Variants in WDFY3 observed in about 807,000 individuals in gnomAD.
WDFY3 encodes WD repeat and FYVE domain-containing protein 3.
Under a neutral mutation model 409.6 loss-of-function variants are expected in WDFY3, and 66 were observed. The ratio of observed to expected loss-of-function variants is 0.16; its 90% CI spans 0.13 to 0.20. The LOEUF is 0.20. Ranked by LOEUF, WDFY3 falls within the 10% of genes least tolerant of loss-of-function variation. WDFY3 has a pLI of 1.00. For missense variants in WDFY3, 3,031 were observed against 4,298.1 expected, an observed-to-expected ratio of 0.71 and a Z score of 8.24; for synonymous variants, 1,521 against 1,537.1, an observed-to-expected ratio of 0.99 and a Z score of 0.25.
At chr4:84,793,912 A>G (rs373479677) in intron 21 of WDFY3, among the ~76,000 whole-genome samples, 2 of 152,284 alleles carry the variant, frequency 1.3e-5, no homozygotes, top group East Asian at 3.9e-4. Flanking sequence ...AAAAAATCAC[A>G]TTTATACAAA....
At chr4:84,914,659 AT>A (rs1768237869) in intron 2 of WDFY3, among the ~76,000 whole-genome samples, 1 of 152,210 alleles carries the variant, frequency 6.6e-6, no homozygotes, top group Non-Finnish European at 1.5e-5. Flanking sequence ...ACCTATTATG[AT>A]GGCTACTTTC....
intron 3 of WDFY3, among the ~76,000 whole-genome samples, chr4:84,889,020 T>C (rs982855565): frequency 6.6e-6 from 1 of 152,188 alleles, no homozygotes; most frequent in Non-Finnish European, 1.5e-5. Context: ...GCCTTGAAAA[T>C]ACTTAGACTA....
intron 1 of WDFY3, among the ~76,000 whole-genome samples, chr4:84,953,958 CCT>C (rs1337950480): frequency 1.3e-5 from 2 of 152,204 alleles, no homozygotes; most frequent in African/African-American, 4.8e-5. Context: ...CACTTCTGCA[CCT>C]CTCAGACTCA....
chr4:84,902,475 T>C (rs1297359225), intron 2 of WDFY3, among the ~76,000 whole-genome samples: 2 of 152,204 alleles, frequency 1.3e-5, no homozygotes, highest in African/African-American at 4.8e-5. Flanking sequence ...ATTGCTTCCA[T>C]TGTGCATAAT....
chr4:84,709,726 T>G (rs1732569142), intron 51 of WDFY3, among the ~76,000 whole-genome samples: 1 of 152,200 alleles, frequency 6.6e-6, no homozygotes, highest in Non-Finnish European at 1.5e-5. Context: ...TTTCTGTTTG[T>G]TTTGTTTTGT....
At chr4:84,841,345 G>A in intron 5 of WDFY3, 82 bp from the exon 6 acceptor site, 1 of 1,157,352 alleles carries the variant, frequency 8.6e-7, no homozygotes, top group Non-Finnish European at 1.2e-6. Flanking sequence ...CCAAGGAAAT[G>A]AAAATTTACT....
chr4:84,860,869 A>T (rs1760512557), intron 3 of WDFY3, among the ~76,000 whole-genome samples: 1 of 152,230 alleles, frequency 6.6e-6, no homozygotes, highest in Non-Finnish European at 1.5e-5. Flanking sequence ...GTAAAACATT[A>T]ATCAGACAAG....
rs374010591 is a variant in WDFY3 at position 84,860,477 on chromosome 4, G to C, written c.115C>G (p.Pro39Ala). 5.6e-6 allele frequency: 9 copies of C among 1,614,038 alleles called. No individual in the cohort carries two copies. The African/African-American group carries it at 1.2e-4, about 22-fold the overall frequency. ...TGTTCCTTCTGAGTCATGTGCCGGGGAGGATGGCACAACTCCGTGAAGAGC... is the reference window on the plus strand; with the variant it reads ...TGTTCCTTCTGAGTCATGTGCCGGGCAGGATGGCACAACTCCGTGAAGAGC... ...RRLFTELCHP[P>A]RHMTQKEQEE... is the part of the protein sequence containing the mutation. Residue 39 changes from proline to alanine, a missense_variant, in exon 4 of 68, where the codon CCC becomes GCC. Around this residue, in one of 16 missense-constraint regions of WDFY3, gnomAD observed 1,322 missense variants for 1,697.9 expected, o/e 0.78. Coordinates refer to ENST00000295888, the MANE Select transcript of WDFY3 (RefSeq NM_014991.6).
chr4:84,683,964 T>A lies in WDFY3; in HGVS notation c.9705A>T (p.Gly3235=), dbSNP rs1052731419. The change falls in exon 63 of 68, where the codon GGA becomes GGT. Residue 3235 remains glycine, a synonymous_variant. Coordinates refer to ENST00000295888, the MANE Select transcript of WDFY3 (RefSeq NM_014991.6). ...EWDTQNVIVT[G]HSDGVVRFWR... ...TTACCCGAACCACTCCATCTGAGTG[T>A]CCTGTCACTATGACGTTCTGCGTGT... 2 of 1,603,576 alleles carry A rather than the reference T, an allele frequency of 1.2e-6. No homozygotes were observed. Among genetic ancestry groups the A allele is most frequent in the East Asian group, 4.5e-5 (2 of 44,538 alleles).
At chr4:84,830,989 C>A (rs888847093) in intron 8 of WDFY3, among the ~76,000 whole-genome samples, 16 of 151,892 alleles carry the variant, frequency 1.1e-4, no homozygotes, top group Non-Finnish European at 1.6e-4. Context: ...GAGTTCAAGA[C>A]CAGCCTGGCC....
chr4:84,736,097 C>A, intron 42 of WDFY3, 73 bp downstream of exon 42: 3 of 1,439,378 alleles, frequency 2.1e-6, no homozygotes, highest in Admixed American at 2.4e-5. Context: ...CATTTCCAAT[C>A]AATTGCTTGT....
chr4:84,860,055 C>A lies in WDFY3; in HGVS notation c.180+357G>T, dbSNP rs146118348. On this transcript the variant is annotated intron_variant, in intron 4 of 67. Transcript: ENST00000295888. Reference sequence around the variant, plus strand: ...TATACAAAGGGCTTGGGCAGTTGCACCATTTGGTGTAATAAAATCATCACT... The same window carrying A: ...TATACAAAGGGCTTGGGCAGTTGCAACATTTGGTGTAATAAAATCATCACT... Among the ~76,000 whole-genome samples the A allele has an allele frequency of 5.1e-3, 772 of 152,232 alleles. 8 individuals carry two copies. The highest frequency in any genetic ancestry group is 0.018 in the African/African-American group (743 of 41,522).
At chr4:84,817,698 A>C in intron 12 of WDFY3, 113 bp from the exon 13 acceptor site, 1 of 964,320 alleles carries the variant, frequency 1.0e-6, no homozygotes, top group Admixed American at 3.1e-5. Context: ...TAATAATGTA[A>C]ATAAAACCTA....
At chr4:84,809,323 C>A in intron 14 of WDFY3, 1 of 152,606 alleles carries the variant, frequency 6.6e-6, no homozygotes, top group Non-Finnish European at 1.5e-5. Context: ...GCTGAATCCT[C>A]AATGCCTAGC....
At chr4:84,738,747 G>A (rs1053946692) in intron 40 of WDFY3, among the ~76,000 whole-genome samples, 2 of 152,136 alleles carry the variant, frequency 1.3e-5, no homozygotes, top group Non-Finnish European at 2.9e-5. Flanking sequence ...TTCCAAGGTA[G>A]TATTTGTACT....
intron 35 of WDFY3, among the ~76,000 whole-genome samples, chr4:84,753,028 A>G (rs537510442): frequency 6.6e-6 from 1 of 152,226 alleles, no homozygotes; most frequent in Non-Finnish European, 1.5e-5. Flanking sequence ...TTTAGACTCT[A>G]AAGTTATGAA....
At chr4:84,823,437 G>GA (rs1265215860) in intron 10 of WDFY3, among the ~76,000 whole-genome samples, 30 of 151,820 alleles carry the variant, frequency 2.0e-4, no homozygotes, top group Admixed American at 2.0e-3. Flanking sequence ...TTATTAAAAT[G>GA]AAAAACTGGA....
rs1775791676 is a variant in WDFY3 at position 84,966,575 on chromosome 4, C to T, written c.-592G>A. Among the ~76,000 whole-genome samples, 1 of 152,074 alleles carries T rather than the reference C, an allele frequency of 6.6e-6. No homozygotes were observed. The highest frequency in any genetic ancestry group is 2.1e-4 in the South Asian group (1 of 4,828). On this transcript the variant is annotated 5_prime_UTR_variant, in exon 1 of 68. Transcript: ENST00000295888. ...GTTTCTTCTCTCCATCAAGGCCGGG[C>T]CGACCCGCAGGGACCATCCCGGAAA...
chr4:84,784,891 T>TATATATATAC (rs1238884117), intron 24 of WDFY3, among the ~76,000 whole-genome samples: 72 of 36,914 alleles, frequency 2.0e-3, no homozygotes, highest in African/African-American at 4.2e-3. Context: ...TATATATATA[T>TATATATATAC]ACACACACAC....
Sources: gnomAD v4.1 joint callset for allele counts (sites outside exome capture counted in the v4.1 genomes callset) on GRCh38, gnomAD v4.1.1 for gene constraint, gnomAD v4.1.1 regional missense constraint, MANE v1.5 for transcripts, NCBI Gene and HGNC (gene_info 2026-07-23, HGNC 2026-07-21) for gene names.